The following PCDHGA12 variants were observed in gnomAD, a reference collection of about 807,000 sequenced individuals.
The protein encoded by PCDHGA12 is protocadherin gamma-A12.
In PCDHGA12, 43 loss-of-function variants were observed where a neutral mutation model predicts 61.1. The ratio of observed to expected loss-of-function variants is 0.70; its 90% CI spans 0.55 to 0.91. The LOEUF is 0.91. Ranked by LOEUF, PCDHGA12 falls within the 40% of genes least tolerant of loss-of-function variation. PCDHGA12 has a pLI of 0.00. For synonymous variants in PCDHGA12, 520 were observed against 542.9 expected, an observed-to-expected ratio of 0.96 and a Z score of 0.59; for missense variants, 1,236 against 1,227.7, an observed-to-expected ratio of 1.01 and a Z score of -0.10.
rs1185020546 is a variant in PCDHGA12, at chr5:141,485,472, C to A, written c.2425-9335C>A. 3 of 1,614,138 alleles carry A rather than the reference C, an allele frequency of 1.9e-6. No homozygotes were observed. Among genetic ancestry groups the A allele is most frequent in the Non-Finnish European group, 2.5e-6 (3 of 1,180,022 alleles). On this transcript the variant is annotated intron_variant, in intron 1 of 3. Transcript: ENST00000252085. The surrounding 1 kb of genome is among the most constrained non-coding windows in gnomAD (Gnocchi z 5.7). The stretch of plus-strand genomic sequence containing the variant: ...CGAGAGGCACTGTGTGGGCTCAGTG[C>A]CAGCTGCATCGTGCCCCTGGAGTTT...
At position 141,511,112 on chromosome 5, in the gene PCDHGA12, G is replaced by A. The variant is rs767257788; in HGVS notation, c.2738G>A (p.Gly913Asp). The change falls in exon 4 of 4, where the codon GGC (glycine) becomes GAC (aspartate). Residue 913 changes from glycine (G) to aspartate (D), a missense_variant. Transcript: ENST00000252085. ...ACCAACGCAGCTGGCAAGCGGGATGGCAAGGCCCCAGCAGGTGGCAATGGC... is the reference window on the plus strand; with the variant it reads ...ACCAACGCAGCTGGCAAGCGGGATGACAAGGCCCCAGCAGGTGGCAATGGC... The part of the protein sequence containing the change: ...TLTNAAGKRD[G>D]KAPAGGNGNK... 1 of 1,614,232 alleles carries A rather than the reference G, an allele frequency of 6.2e-7. No individual in the cohort carries two copies.
Position 141,489,417 on chromosome 5 carries a change from G to A in PCDHGA12, c.2425-5390G>A, listed in dbSNP as rs1020232739. On this transcript the variant is annotated intron_variant, in intron 1 of 3. Coordinates refer to ENST00000252085, the MANE Select transcript of PCDHGA12 (RefSeq NM_003735.3). This position sits in a 1 kb window ranked among gnomAD's most constrained non-coding sequence, Gnocchi z 4.5. ...ATCTGGGCTTAAAGATGACAGATCT[G>A]TTGAGCCGGCGGCTGCAATTGGGCT... The A allele has an allele frequency of 1.2e-6, 2 of 1,614,172 alleles. No individual in the cohort carries two copies. The highest frequency in any genetic ancestry group is 3.3e-5 in the Admixed American group (2 of 60,030).
intron 1 of PCDHGA12, among the ~76,000 whole-genome samples, chr5:141,456,135 G>A (rs1422353665): frequency 6.6e-6 from 1 of 152,052 alleles, no homozygotes; most frequent in Non-Finnish European, 1.5e-5. Context: ...CTGACCTCCT[G>A]ATCCGCCCGC....
At position 141,486,250 on chromosome 5, in the gene PCDHGA12, C is replaced by T; in HGVS notation, c.2425-8557C>T. 1 of 1,614,140 alleles carries T rather than the reference C, an allele frequency of 6.2e-7. No homozygotes were observed. The highest frequency in any genetic ancestry group is 2.2e-5 in the East Asian group (1 of 44,872). On this transcript the variant is annotated intron_variant, in intron 1 of 3. Coordinates refer to ENST00000252085, the MANE Select transcript of PCDHGA12 (RefSeq NM_003735.3). The surrounding 1 kb of genome is among the most constrained non-coding windows in gnomAD (Gnocchi z 5.0). ...CAGTGACCTCAGAGCTTGGAACCCT[C>T]CCCGAGAGTGCAGAACCTGGCACTG...
chr5:141,485,275 G>T lies in PCDHGA12; in HGVS notation c.2425-9532G>T, dbSNP rs77402299. ...ACGTTTGTGGGCAGATCCGCTACCC[G>T]GTCCCAGAGGAGTCACAGGAAGGGA... is the stretch of plus-strand genomic sequence containing the variant. On this transcript the variant is annotated intron_variant, in intron 1 of 3. Coordinates refer to ENST00000252085, the MANE Select transcript of PCDHGA12 (RefSeq NM_003735.3). The surrounding 1 kb of genome is among the most constrained non-coding windows in gnomAD (Gnocchi z 5.7). 1.1e-5 allele frequency: 18 copies of T among 1,614,072 alleles called. No individual in the cohort carries two copies. The South Asian group carries it at 1.4e-4, about 13-fold the overall frequency.
At chr5:141,439,996 G>C (rs1156373511) in intron 1 of PCDHGA12, 1 of 153,262 alleles carries the variant, frequency 6.5e-6, no homozygotes, top group African/African-American at 2.4e-5. Flanking sequence ...GTTTGGTGGT[G>C]GGAAACCTTG....
chr5:141,436,877 A>G (rs2097851127), intron 1 of PCDHGA12, among the ~76,000 whole-genome samples: 1 of 152,252 alleles, frequency 6.6e-6, no homozygotes, highest in Admixed American at 6.5e-5. Flanking sequence ...AGGCCATAAA[A>G]GATGGGGGAA....
At chr5:141,473,335 C>T (rs1243738475) in intron 1 of PCDHGA12, among the ~76,000 whole-genome samples, 3 of 152,184 alleles carry the variant, frequency 2.0e-5, no homozygotes, top group Non-Finnish European at 4.4e-5. Context: ...GCCTGCTGTG[C>T]TAGACAGTGA....
At position 141,473,311 on chromosome 5, in the gene PCDHGA12, A is replaced by G. The variant is rs139053997; in HGVS notation, c.2425-21496A>G. On this transcript the variant is annotated intron_variant, in intron 1 of 3. Coordinates refer to ENST00000252085, the MANE Select transcript of PCDHGA12 (RefSeq NM_003735.3). ...TCAGTAGCATAAAGATTGCTATATTAATAAGCATTAAGTGCCTGCTGTGCT... is the reference window on the plus strand; with the variant it reads ...TCAGTAGCATAAAGATTGCTATATTGATAAGCATTAAGTGCCTGCTGTGCT... Among the ~76,000 whole-genome samples, 1,321 of 152,342 alleles carry G rather than the reference A, an allele frequency of 8.7e-3. 28 individuals carry two copies. Among genetic ancestry groups the G allele is most frequent in the African/African-American group, 0.03 (1,236 of 41,582 alleles).
chr5:141,503,665 C>A (rs1210514896), intron 2 of PCDHGA12, among the ~76,000 whole-genome samples: 2 of 151,792 alleles, frequency 1.3e-5, no homozygotes, highest in African/African-American at 4.8e-5. Flanking sequence ...AATTACAACT[C>A]TTCCCACTTT....
At position 141,484,779 on chromosome 5, in the gene PCDHGA12, C is replaced by G. The variant is rs186158562; in HGVS notation, c.2425-10028C>G. On this transcript the variant is annotated intron_variant, in intron 1 of 3. Transcript: ENST00000252085. ...ATATATATATATGTTGTCTGCCTCCCCACAGAGATAACAACCCGTGGAAAA... is the reference window on the plus strand; with the variant it reads ...ATATATATATATGTTGTCTGCCTCCGCACAGAGATAACAACCCGTGGAAAA... Among the ~76,000 whole-genome samples, 137 of 152,130 alleles carry G rather than the reference C, an allele frequency of 9.0e-4. 1 individual carries two copies. Among genetic ancestry groups the G allele is most frequent in the Non-Finnish European group, 1.6e-3 (110 of 67,996 alleles).
At position 141,471,056 on chromosome 5, in the gene PCDHGA12, T is replaced by C. The variant is rs1367189715; in HGVS notation, c.2425-23751T>C. On this transcript the variant is annotated intron_variant, in intron 1 of 3. Coordinates refer to ENST00000252085, the MANE Select transcript of PCDHGA12 (RefSeq NM_003735.3). ...ACAAGCCCAAGCCCTCTTTTTTTTT[T>C]TTTTTTTTTTGAGACAGGGTCTCCC... Among the ~76,000 whole-genome samples, 581 of 150,056 alleles carry C rather than the reference T, an allele frequency of 3.9e-3. 6 individuals are homozygous for C. Among genetic ancestry groups the C allele is most frequent in the Admixed American group, 0.011 (167 of 15,092 alleles).
In PCDHGA12 at chr5:141,432,508, G is replaced by A. The variant is rs1306067848; in HGVS notation, c.1749G>A (p.Glu583=). ...TGGAGCTGGCTCCCCGCTCCGCAGA[G>A]CCCGGCTACCTGGTGACCAAGGTGG... ...TGVELAPRSA[E]PGYLVTKVVA... Residue 583 remains glutamate (E), a synonymous_variant, in exon 1 of 4, where the codon GAG becomes GAA. Coordinates refer to ENST00000252085, the MANE Select transcript of PCDHGA12 (RefSeq NM_003735.3). This position sits in a 1 kb window ranked among gnomAD's most constrained non-coding sequence, Gnocchi z 6.0. The A allele has an allele frequency of 1.9e-6, 3 of 1,614,136 alleles. No individual in the cohort carries two copies. Among genetic ancestry groups the A allele is most frequent in the Non-Finnish European group, 2.5e-6 (3 of 1,180,034 alleles).
rs759439765 is a variant in PCDHGA12 at position 141,478,199 on chromosome 5, C to A, written c.2425-16608C>A. ...GAAAAAAAATCTCACCTTTTATCTA[C>A]TTCTTTCTCTAATCCTGGTTTCTGT... On this transcript the variant is annotated intron_variant, in intron 1 of 3. Coordinates refer to ENST00000252085, the MANE Select transcript of PCDHGA12 (RefSeq NM_003735.3). The A allele has an allele frequency of 3.8e-5, 62 of 1,613,938 alleles. No homozygotes were observed. Among genetic ancestry groups the A allele is most frequent in the Non-Finnish European group, 5.0e-5 (59 of 1,180,046 alleles).
intron 1 of PCDHGA12, among the ~76,000 whole-genome samples, chr5:141,467,571 A>T (rs1228156610): frequency 6.6e-6 from 1 of 152,212 alleles, no homozygotes; most frequent in African/African-American, 2.4e-5. Context: ...ATGGCTATCC[A>T]GTTGTCCCAA....
At chr5:141,462,235 C>T (rs1389326284) in intron 1 of PCDHGA12, among the ~76,000 whole-genome samples, 1 of 152,206 alleles carries the variant, frequency 6.6e-6, no homozygotes, top group African/African-American at 2.4e-5. Flanking sequence ...GCAGGGATTA[C>T]AGGTATGAGC....
At chr5:141,441,073 G>A (rs1591647632) in intron 1 of PCDHGA12, 1 of 152,152 alleles carries the variant, frequency 6.6e-6, no homozygotes, top group Non-Finnish European at 1.5e-5. Flanking sequence ...AATTTCCATG[G>A]TTTTGGTAGC....
intron 2 of PCDHGA12, among the ~76,000 whole-genome samples, chr5:141,503,595 G>A (rs6892628): frequency 7.1e-6 from 1 of 140,086 alleles, no homozygotes. Context: ...CGAGACTCCA[G>A]CTCAAAAAAA....
At position 141,430,558 on chromosome 5, in the gene PCDHGA12, G is replaced by A. The variant is rs1472516429; in HGVS notation, c.-202G>A. 2.2e-5 allele frequency: 9 copies of A among 417,488 alleles called. No homozygotes were observed. In the East Asian group the frequency reaches 3.3e-4, roughly 15 times the overall value. The allele number at this position is 417,488 out of a possible 1,614,324, so 25.9% of individuals were successfully genotyped here. On this transcript the variant is annotated 5_prime_UTR_variant, in exon 1 of 4. Transcript: ENST00000252085. ...TCTGAGCGCCGCTGTTCACCAATCGGGGAGAGAAAAGCGGAGATCCTGCTC... is the reference window on the plus strand; with the variant it reads ...TCTGAGCGCCGCTGTTCACCAATCGAGGAGAGAAAAGCGGAGATCCTGCTC...
Sources: allele counts gnomAD v4.1 joint callset (sites outside exome capture counted in the v4.1 genomes callset), GRCh38; gene constraint gnomAD v4.1.1; non-coding constraint Gnocchi (gnomAD v3.1); transcripts MANE v1.5; gene names NCBI Gene and HGNC (gene_info 2026-07-23, HGNC 2026-07-21).